TSPAN11: variants seen among roughly 807,000 people sequenced by gnomAD.
TSPAN11 encodes tetraspanin-11.
TSPAN11 carries 29 observed loss-of-function variants against 32.9 expected under a neutral mutation model. That is an observed-to-expected ratio of 0.88 (90% confidence interval 0.66 to 1.20). TSPAN11 has a LOEUF of 1.20. Ranked by LOEUF, TSPAN11 falls within the 50% of genes most tolerant of loss-of-function variation. TSPAN11 has a pLI of 0.00. For missense variants in TSPAN11, 283 were observed against 329.1 expected, an observed-to-expected ratio of 0.86 and a Z score of 1.08; for synonymous variants, 140 against 141.3, an observed-to-expected ratio of 0.99 and a Z score of 0.07.
At chr12:31,007,134 C>T in the TSPAN11 span, among the ~76,000 whole-genome samples, 1 of 150,374 alleles carries the variant, frequency 6.7e-6, no homozygotes, top group Non-Finnish European at 1.5e-5. Context: ...TGTGTAGACT[C>T]GCTGTCCACC....
chr12:31,001,415 A>G (rs901391884), downstream of TSPAN11, among the ~76,000 whole-genome samples: 2 of 152,220 alleles, frequency 1.3e-5, no homozygotes, highest in Admixed American at 6.5e-5. Flanking sequence ...ACAGCCAGCC[A>G]GCATCCTGTG....
chr12:30,955,853 A>G lies in TSPAN11; in HGVS notation c.84+1778A>G, dbSNP rs189163872. On this transcript the variant is annotated intron_variant, in intron 2 of 7. Coordinates refer to ENST00000546076, the MANE Select transcript of TSPAN11 (RefSeq NM_001370302.1). ...TCATATTAGATTAGGGCCCACCCTA[A>G]TGACCTCATCTTAACTTGATTACAT... Among the ~76,000 whole-genome samples the G allele has an allele frequency of 2.2e-3, 330 of 152,340 alleles. 1 individual carries two copies. Among genetic ancestry groups the G allele is most frequent in the African/African-American group, 7.1e-3 (297 of 41,580 alleles).
intron 3 of TSPAN11, among the ~76,000 whole-genome samples, chr12:30,973,736 A>G (rs1938901143): frequency 6.6e-6 from 1 of 152,214 alleles, no homozygotes; most frequent in East Asian, 1.9e-4. Flanking sequence ...TTCTAACTAC[A>G]TGGAAATATG....
intron 1 of TSPAN11, among the ~76,000 whole-genome samples, chr12:30,948,583 T>TA (rs1938317035): frequency 6.6e-6 from 1 of 152,146 alleles, no homozygotes; most frequent in African/African-American, 2.4e-5. Context: ...CCCTTTTAGT[T>TA]ACAGCTGGAG....
intron 3 of TSPAN11, among the ~76,000 whole-genome samples, chr12:30,974,827 G>T (rs1182463759): frequency 6.6e-6 from 1 of 152,260 alleles, no homozygotes; most frequent in African/African-American, 2.4e-5. Context: ...AGGCGAAGGG[G>T]AGGGACACAG....
At chr12:30,957,122 A>G (rs56267302) in intron 2 of TSPAN11, among the ~76,000 whole-genome samples, 30,387 of 151,886 alleles carry the variant, frequency 0.2, 3,201 homozygotes, top group African/African-American at 0.24. Context: ...GTACATCAAC[A>G]TCCCACTGAA....
intron 2 of TSPAN11, among the ~76,000 whole-genome samples, chr12:30,961,610 T>C (rs1272296821): frequency 6.6e-6 from 1 of 151,996 alleles, no homozygotes; most frequent in Non-Finnish European, 1.5e-5. Flanking sequence ...CTCTCATTCC[T>C]TACAGCTAAG....
chr12:30,954,124 C>T lies in TSPAN11; in HGVS notation c.84+49C>T, dbSNP rs770704158. On this transcript the variant is annotated intron_variant, in intron 2 of 7. Coordinates refer to ENST00000546076, the MANE Select transcript of TSPAN11 (RefSeq NM_001370302.1). Reference sequence around the variant, plus strand: ...CCTCTTCCCCGAGCACTGAATGAGTCAAGCCACCTTTTGTTTTTTTGTGTC... The same window carrying T: ...CCTCTTCCCCGAGCACTGAATGAGTTAAGCCACCTTTTGTTTTTTTGTGTC... 39 of 1,431,204 alleles carry T rather than the reference C, an allele frequency of 2.7e-5. 1 individual carries two copies. The South Asian group carries it at 3.8e-4, about 14-fold the overall frequency. The allele number at this position is 1,431,204 out of a possible 1,614,324, so 88.7% of individuals were successfully genotyped here.
chr12:30,960,912 A>G (rs57602028), intron 2 of TSPAN11, among the ~76,000 whole-genome samples: 2,010 of 151,650 alleles, frequency 0.013, 42 homozygotes, highest in East Asian at 0.079. Flanking sequence ...GGTGGTGCAC[A>G]CCTGTAATCC....
Position 30,978,454 on chromosome 12 carries a change from G to C in TSPAN11, c.277-107G>C. Reference sequence around the variant, plus strand: ...CATCCAGGAGGAAGATGGCATGGATGATAGGGGTCCCAGCAGGTATCTCTA... The same window carrying C: ...CATCCAGGAGGAAGATGGCATGGATCATAGGGGTCCCAGCAGGTATCTCTA... On this transcript the variant is annotated intron_variant, in intron 3 of 7. Coordinates refer to ENST00000546076, the MANE Select transcript of TSPAN11 (RefSeq NM_001370302.1). 3.7e-6 allele frequency: 4 copies of C among 1,095,802 alleles called. No homozygotes were observed. In the South Asian group the frequency reaches 5.5e-5, roughly 15 times the overall value. The allele number at this position is 1,095,802 out of a possible 1,614,324, so 67.9% of individuals were successfully genotyped here.
In TSPAN11 at chr12:30,987,953, A is replaced by G. The variant is rs552253833; in HGVS notation, c.703-3903A>G. On this transcript the variant is annotated intron_variant, in intron 7 of 7. Transcript: ENST00000546076. ...ACTTTTTAACAATTTGAATTGCTAA[A>G]CAGTGGCCCTTGCAGAGTACTAAAC... 1.5e-4 allele frequency among the ~76,000 whole-genome samples: 23 copies of G among 152,366 alleles called. No individual in the cohort carries two copies. In the South Asian group the frequency reaches 4.6e-3, roughly 30 times the overall value.
At chr12:30,987,030 G>A (rs73097996) in intron 7 of TSPAN11, among the ~76,000 whole-genome samples, 9,150 of 152,328 alleles carry the variant, frequency 0.06, 370 homozygotes, top group South Asian at 0.086. Flanking sequence ...AAAAGAGCTC[G>A]TTGGATATGA....
In TSPAN11 at chr12:30,981,336, G is replaced by A. The variant is rs140183002; in HGVS notation, c.457-1196G>A. Among the ~76,000 whole-genome samples the A allele has an allele frequency of 3.5e-4, 54 of 152,282 alleles. 1 individual carries two copies. Among genetic ancestry groups the A allele is most frequent in the African/African-American group, 1.3e-3 (53 of 41,530 alleles). On this transcript the variant is annotated intron_variant, in intron 5 of 7. Coordinates refer to ENST00000546076, the MANE Select transcript of TSPAN11 (RefSeq NM_001370302.1). Reference sequence around the variant, plus strand: ...AAGCTGTATTCACACAAGCGTGATGGTGGAAGCAGGTGTCTCTCCTTCACC... The same window carrying A: ...AAGCTGTATTCACACAAGCGTGATGATGGAAGCAGGTGTCTCTCCTTCACC...
In TSPAN11 at chr12:30,954,015, G is replaced by C. The variant is rs1208168168; in HGVS notation, c.24G>C (p.Gln8His). The stretch of plus-strand genomic sequence containing the variant: ...CCATGGCCCACTATAAGACTGAGCA[G>C]GACGACTGGCTGATCATCTACTTGA... The part of the protein sequence containing the change: MAHYKTE[Q>H]DDWLIIYLKY... Residue 8 changes from glutamine to histidine, a missense_variant, in exon 2 of 8, where the codon CAG becomes CAC. Gln to His is a conservative substitution (Grantham distance 24). Transcript: ENST00000546076. The C allele has an allele frequency of 6.2e-7, 1 of 1,613,840 alleles. No individual in the cohort carries two copies. Among genetic ancestry groups the C allele is most frequent in the South Asian group, 1.1e-5 (1 of 91,052 alleles).
downstream of TSPAN11, among the ~76,000 whole-genome samples, chr12:31,000,545 C>T (rs201248508): frequency 6.6e-6 from 1 of 152,178 alleles, no homozygotes; most frequent in East Asian, 1.9e-4. Context: ...GATGACAAAA[C>T]CAAGACAAGT....
chr12:30,984,778 G>C (rs997699949), intron 7 of TSPAN11, among the ~76,000 whole-genome samples: 2 of 151,928 alleles, frequency 1.3e-5, no homozygotes, highest in African/African-American at 4.8e-5. Flanking sequence ...GGCTGGTCTC[G>C]AACTCTTGAC....
At chr12:30,988,896 A>G (rs573227025) in intron 7 of TSPAN11, among the ~76,000 whole-genome samples, 1 of 152,188 alleles carries the variant, frequency 6.6e-6, no homozygotes, top group Non-Finnish European at 1.5e-5. Flanking sequence ...TGGAATCTGG[A>G]GGCACTCCAC....
chr12:30,955,674 C>T (rs1249626697), intron 2 of TSPAN11, among the ~76,000 whole-genome samples: 4 of 152,138 alleles, frequency 2.6e-5, no homozygotes, highest in African/African-American at 7.2e-5. Context: ...AATCTTTCCT[C>T]GCCTCACCCC....
chr12:30,939,087 C>T (rs1938104396), intron 1 of TSPAN11, among the ~76,000 whole-genome samples: 1 of 151,960 alleles, frequency 6.6e-6, no homozygotes, highest in South Asian at 2.1e-4. Context: ...CAAAAATTAG[C>T]CAGGTGTGGT....
Sources: gnomAD v4.1 joint callset for allele counts (sites outside exome capture counted in the v4.1 genomes callset) on GRCh38, gnomAD v4.1.1 for gene constraint, MANE v1.5 for transcripts, NCBI Gene and HGNC (gene_info 2026-07-23, HGNC 2026-07-21) for gene names.